Variants in CBX1 observed in about 807,000 individuals in gnomAD.
The protein encoded by CBX1 is chromobox protein homolog 1.
In CBX1, 10 loss-of-function variants were observed where a neutral mutation model predicts 25.1. The ratio of observed to expected loss-of-function variants is 0.40; its 90% CI spans 0.25 to 0.68. The LOEUF is 0.68. Among genes scored for constraint, CBX1 ranks in the 30% least tolerant of loss-of-function variants. The probability of loss-of-function intolerance (pLI) is 0.40; values close to 1 mark genes in which losing one functional copy is unlikely to be tolerated. For missense variants in CBX1, 106 were observed against 218.5 expected (o/e 0.49, Z 3.25); for synonymous variants, 63 against 79.4 (o/e 0.79, Z 1.10).
At chr17:48,095,888 T>C (rs978999434) in intron 1 of CBX1, 4 of 149,128 alleles carry the variant, frequency 2.7e-5, no homozygotes, top group African/African-American at 7.4e-5. Flanking sequence ...CAGGAGTTTC[T>C]TTTTTTTTTG....
At chr17:48,074,795 T>C (rs906804066) in intron 4 of CBX1, 3 of 504,148 alleles carry the variant, frequency 6.0e-6, no homozygotes, top group African/African-American at 1.9e-5. Flanking sequence ...CCTAAAAATA[T>C]GGGCAAAGAC....
At chr17:48,083,549 G>C (rs1007812785) in intron 1 of CBX1, among the ~76,000 whole-genome samples, 1 of 150,448 alleles carries the variant, frequency 6.6e-6, no homozygotes, top group African/African-American at 2.5e-5. Flanking sequence ...GCCAGGTGGC[G>C]TGGTGGCTCA....
At chr17:48,092,391 G>A (rs892879353) in intron 1 of CBX1, among the ~76,000 whole-genome samples, 2 of 151,744 alleles carry the variant, frequency 1.3e-5, no homozygotes, top group South Asian at 4.2e-4. Context: ...GCCAAGGCAA[G>A]GGTTGTGGAG....
chr17:48,089,939 G>A (rs1002282508), intron 1 of CBX1, among the ~76,000 whole-genome samples: 9 of 146,372 alleles, frequency 6.1e-5, no homozygotes, highest in Non-Finnish European at 1.5e-5. Context: ...TTTTTTTTTT[G>A]AGATGGAGTC....
At chr17:48,071,890 G>T (rs9747665) in intron 4 of CBX1, among the ~76,000 whole-genome samples, 3,995 of 150,594 alleles carry the variant, frequency 0.027, 165 homozygotes, top group African/African-American at 0.09. Flanking sequence ...TCTGAGGGAA[G>T]AGAGGATACC....
chr17:48,075,436 G>A (rs1258516134), intron 3 of CBX1, among the ~76,000 whole-genome samples: 1 of 151,984 alleles, frequency 6.6e-6, no homozygotes, highest in African/African-American at 2.4e-5. Flanking sequence ...CTTGTGATCC[G>A]CCCGCCTCGG....
intron 1 of CBX1, among the ~76,000 whole-genome samples, chr17:48,081,010 A>G (rs1049760908): frequency 3.5e-5 from 4 of 113,976 alleles, no homozygotes; most frequent in Non-Finnish European, 5.2e-5. Flanking sequence ...TGTCTTAGAA[A>G]AATAAATAGC....
intron 1 of CBX1, among the ~76,000 whole-genome samples, chr17:48,085,047 T>C (rs1287117088): frequency 2.0e-5 from 3 of 152,244 alleles, no homozygotes; most frequent in Admixed American, 1.3e-4. Flanking sequence ...TCAGTTGTCC[T>C]ACTTAGCCAA....
intron 1 of CBX1, among the ~76,000 whole-genome samples, chr17:48,087,882 A>AAAAAAAAAGAAAACAGAAAAAGAAG: frequency 6.6e-6 from 1 of 151,768 alleles, no homozygotes; most frequent in African/African-American, 2.4e-5. Flanking sequence ...CAAAAAAAAA[A>AAAAAAAAAGAAAACAGAAAAAGAAG]AAAAAAAAGA....
intron 1 of CBX1, among the ~76,000 whole-genome samples, chr17:48,092,329 T>A (rs952105043): frequency 1.2e-4 from 18 of 151,118 alleles, no homozygotes; most frequent in African/African-American, 4.1e-4. Context: ...AAAAAAAAAA[T>A]AAAATTAGCG....
intron 4 of CBX1, among the ~76,000 whole-genome samples, chr17:48,073,037 G>A (rs527439423): frequency 1.3e-5 from 2 of 152,096 alleles, no homozygotes; most frequent in South Asian, 2.1e-4. Context: ...CACAAGAATC[G>A]CTTGAACCTG....
chr17:48,091,058 G>A (rs2063341445), intron 1 of CBX1, among the ~76,000 whole-genome samples: 1 of 152,160 alleles, frequency 6.6e-6, no homozygotes, highest in South Asian at 2.1e-4. Context: ...ACAGAAACCC[G>A]AACTACAAGG....
intron 4 of CBX1, among the ~76,000 whole-genome samples, chr17:48,072,586 C>A (rs527439229): frequency 9.9e-5 from 15 of 151,890 alleles, no homozygotes; most frequent in Non-Finnish European, 1.9e-4. Flanking sequence ...AGATCGAGAC[C>A]ATCCTGGCTA....
chr17:48,092,669 G>A (rs1382182699), intron 1 of CBX1, among the ~76,000 whole-genome samples: 1 of 151,774 alleles, frequency 6.6e-6, no homozygotes, highest in African/African-American at 2.4e-5. Flanking sequence ...TGCTAGGCTG[G>A]TCTCGAACTC....
intron 4 of CBX1, 140 bp from the exon 5 acceptor site, chr17:48,071,719 C>G (rs1450765363): frequency 1.6e-6 from 1 of 607,332 alleles, no homozygotes; most frequent in Non-Finnish European, 2.7e-6. Context: ...GCCCAAGCAG[C>G]ATTTACTGGC....
chr17:48,079,981 T>A (rs1226711636), intron 1 of CBX1, among the ~76,000 whole-genome samples: 4 of 152,166 alleles, frequency 2.6e-5, no homozygotes, highest in Non-Finnish European at 5.9e-5. Flanking sequence ...ATCTAAGGGT[T>A]TTTCCAGTGT....
At chr17:48,085,999 G>A (rs1179107852) in intron 1 of CBX1, among the ~76,000 whole-genome samples, 5 of 152,114 alleles carry the variant, frequency 3.3e-5, no homozygotes, top group South Asian at 4.1e-4. Context: ...GAACTCAGGC[G>A]GCAGACATTG....
chr17:48,075,695 T>G (rs1236908709), intron 3 of CBX1, among the ~76,000 whole-genome samples: 1 of 152,224 alleles, frequency 6.6e-6, no homozygotes, highest in African/African-American at 2.4e-5. Context: ...AGATACTGAT[T>G]AAGTCAAAAT....
At position 48,075,930 on chromosome 17, in the gene CBX1, G is replaced by A. The variant is rs1012841998; in HGVS notation, c.318+71C>T. ...AGAGACAGCTGCTAATATCAGGGAAGAAGCAGAACAAAACTACTTTGACAG... is the reference window on the plus strand; with the variant it reads ...AGAGACAGCTGCTAATATCAGGGAAAAAGCAGAACAAAACTACTTTGACAG... On this transcript the variant is annotated intron_variant, in intron 3 of 4. Transcript: ENST00000225603. 5.9e-6 allele frequency: 7 copies of A among 1,185,188 alleles called. No individual in the cohort carries two copies. The Admixed American group carries it at 7.0e-5, about 12-fold the overall frequency. The allele number at this position is 1,185,188 out of a possible 1,614,324, so 73.4% of individuals were successfully genotyped here. A position where few individuals can be genotyped will look rare whatever the true frequency, so the allele number is the denominator to read the frequency against.
Sources: allele counts gnomAD v4.1 joint callset (sites outside exome capture counted in the v4.1 genomes callset), GRCh38; gene constraint gnomAD v4.1.1; transcripts MANE v1.5; gene names NCBI Gene and HGNC (gene_info 2026-07-23, HGNC 2026-07-21).